ENTREP2: variants seen among roughly 807,000 people sequenced by gnomAD.
The protein encoded by ENTREP2 is protein ENTREP2.
the ENTREP2 span, among the ~76,000 whole-genome samples, chr15:29,472,777 T>C: frequency 6.6e-6 from 1 of 152,192 alleles, no homozygotes; most frequent in Non-Finnish European, 1.5e-5. Context: ...TAATCAATTA[T>C]ATTATAAGTT....
At chr15:29,124,639 A>T in the ENTREP2 span, 1 of 1,497,398 alleles carries the variant, frequency 6.7e-7, no homozygotes. Context: ...CACCCGCCCC[A>T]CCTCCCAGCA....
chr15:29,124,024 G>GC, the ENTREP2 span, among the ~76,000 whole-genome samples: 2 of 152,200 alleles, frequency 1.3e-5, no homozygotes, highest in African/African-American at 4.8e-5. Flanking sequence ...CAGAATCATG[G>GC]CATCTAGAGA....
chr15:29,126,211 G>A, the ENTREP2 span: 1 of 1,346,368 alleles, frequency 7.4e-7, no homozygotes, highest in South Asian at 1.5e-5. Context: ...GAGACCTGCA[G>A]CATCCAAGGA....
chr15:29,334,744 A>G, the ENTREP2 span, among the ~76,000 whole-genome samples: 3 of 152,264 alleles, frequency 2.0e-5, no homozygotes, highest in East Asian at 5.8e-4. Context: ...GACAGAGGTG[A>G]CACTCTGGGA....
the ENTREP2 span, among the ~76,000 whole-genome samples, chr15:29,580,092 C>T: frequency 2.6e-5 from 4 of 152,020 alleles, no homozygotes; most frequent in Non-Finnish European, 5.9e-5. Context: ...GGCAGTCGGC[C>T]CATCTCAGCC....
chr15:29,151,639 G>A, the ENTREP2 span: 3 of 969,120 alleles, frequency 3.1e-6, no homozygotes, highest in Non-Finnish European at 4.8e-6. Flanking sequence ...GACTGTCAGG[G>A]GCCGCTGTCC....
the ENTREP2 span, among the ~76,000 whole-genome samples, chr15:29,493,962 GT>G: frequency 6.6e-6 from 1 of 152,120 alleles, no homozygotes; most frequent in Admixed American, 6.5e-5. Context: ...GGCCAATAGA[GT>G]GAGACTCCAT....
the ENTREP2 span, among the ~76,000 whole-genome samples, chr15:29,384,132 TCA>T: frequency 6.8e-4 from 104 of 152,164 alleles, no homozygotes; most frequent in Admixed American, 2.0e-3. Flanking sequence ...CCATGTCATT[TCA>T]CAGTCAGAGG....
At chr15:29,235,548 A>AT in the ENTREP2 span, among the ~76,000 whole-genome samples, 1 of 152,234 alleles carries the variant, frequency 6.6e-6, no homozygotes, top group Admixed American at 6.5e-5. Context: ...GACACAAAAC[A>AT]TATCAAAATA....
the ENTREP2 span, chr15:29,128,749 AG>A: frequency 1.1e-5 from 16 of 1,457,506 alleles, no homozygotes; most frequent in Non-Finnish European, 1.5e-5. Flanking sequence ...CCTTGAAAAC[AG>A]GAACACCCCA....
the ENTREP2 span, among the ~76,000 whole-genome samples, chr15:29,227,825 ACATGC>A: frequency 2.6e-5 from 4 of 152,208 alleles, no homozygotes; most frequent in African/African-American, 9.7e-5. Context: ...ACTCACTTCT[ACATGC>A]CAAGTAGAAA....
the ENTREP2 span, among the ~76,000 whole-genome samples, chr15:29,517,714 C>A: frequency 6.6e-6 from 1 of 152,084 alleles, no homozygotes; most frequent in African/African-American, 2.4e-5. Flanking sequence ...ATGTCGAAGT[C>A]CCGCTCACCA....
At chr15:29,165,856 A>G in the ENTREP2 span, among the ~76,000 whole-genome samples, 139 of 152,286 alleles carry the variant, frequency 9.1e-4, no homozygotes, top group African/African-American at 3.3e-3. Flanking sequence ...AAACCAGGAA[A>G]GGACCTAACC....
chr15:29,282,767 C>T, the ENTREP2 span, among the ~76,000 whole-genome samples: 3 of 152,196 alleles, frequency 2.0e-5, no homozygotes, highest in Non-Finnish European at 2.9e-5. Flanking sequence ...GGGCTTCAGG[C>T]ATACCGGTCT....
the ENTREP2 span, among the ~76,000 whole-genome samples, chr15:29,334,225 C>A: frequency 1.3e-5 from 2 of 152,150 alleles, no homozygotes; most frequent in Non-Finnish European, 2.9e-5. Context: ...GACATGATAA[C>A]CCAGAAAACA....
the ENTREP2 span, among the ~76,000 whole-genome samples, chr15:29,167,324 C>A: frequency 6.6e-6 from 1 of 151,856 alleles, no homozygotes; most frequent in Non-Finnish European, 1.5e-5. Context: ...TAGCTGGGAT[C>A]AAATTAAACT....
the ENTREP2 span, among the ~76,000 whole-genome samples, chr15:29,589,775 T>C: frequency 6.6e-6 from 1 of 152,174 alleles, no homozygotes; most frequent in Non-Finnish European, 1.5e-5. Flanking sequence ...AACAGTAGGC[T>C]TGGAATCAAG....
At chr15:29,657,261 G>A in the ENTREP2 span, among the ~76,000 whole-genome samples, 2 of 150,984 alleles carry the variant, frequency 1.3e-5, no homozygotes, top group South Asian at 2.1e-4. Flanking sequence ...GGGTTTCACC[G>A]TATTAGCCAG....
the ENTREP2 span, among the ~76,000 whole-genome samples, chr15:29,408,485 G>A: frequency 6.6e-6 from 1 of 152,166 alleles, no homozygotes; most frequent in Non-Finnish European, 1.5e-5. Context: ...CTACAATGGT[G>A]AGACGGTCTT....
Sources: allele counts gnomAD v4.1 joint callset (sites outside exome capture counted in the v4.1 genomes callset), GRCh38; gene constraint gnomAD v4.1.1; transcripts MANE v1.5; gene names NCBI Gene and HGNC (gene_info 2026-07-23, HGNC 2026-07-21).